Variants in LIN52 observed in about 807,000 individuals in gnomAD.
The protein encoded by LIN52 is lin-52 DREAM MuvB core complex component.
A neutral mutation model predicts 18.5 loss-of-function variants in LIN52; 4 were observed. The ratio of observed to expected loss-of-function variants is 0.22; its 90% CI spans 0.11 to 0.49. The LOEUF is 0.49. Ranked by LOEUF, LIN52 falls within the 20% of genes least tolerant of loss-of-function variation. LIN52 has a pLI of 0.97. For missense variants in LIN52, 102 were observed against 139.5 expected (o/e 0.73, Z 1.35); for synonymous variants, 34 against 45.5 (o/e 0.75, Z 1.02).
At chr14:74,108,653 G>A (rs2060910869) in intron 5 of LIN52, among the ~76,000 whole-genome samples, 1 of 152,014 alleles carries the variant, frequency 6.6e-6, no homozygotes, top group Non-Finnish European at 1.5e-5. Context: ...ATGGTGTTTA[G>A]CATGTTTTCA....
At chr14:74,168,564 A>G (rs1429689229) in intron 5 of LIN52, among the ~76,000 whole-genome samples, 1 of 152,110 alleles carries the variant, frequency 6.6e-6, no homozygotes, top group African/African-American at 2.4e-5. Flanking sequence ...GCTACTCGGG[A>G]GGCTGAGGCA....
chr14:74,162,789 G>A (rs2061231811), intron 5 of LIN52, among the ~76,000 whole-genome samples: 1 of 151,670 alleles, frequency 6.6e-6, no homozygotes, highest in Admixed American at 6.6e-5. Context: ...TCTTTTTAAC[G>A]ACATTGAGCT....
intron 5 of LIN52, among the ~76,000 whole-genome samples, chr14:74,123,248 A>G (rs956065191): frequency 2.4e-4 from 36 of 152,358 alleles, no homozygotes; most frequent in African/African-American, 8.2e-4. Flanking sequence ...AAACTAGACT[A>G]CAATGGTAAG....
At chr14:74,119,601 C>G (rs887371440) in intron 5 of LIN52, among the ~76,000 whole-genome samples, 3 of 152,216 alleles carry the variant, frequency 2.0e-5, no homozygotes, top group Admixed American at 6.5e-5. Flanking sequence ...ACAAACCTAT[C>G]AGCAATTTCA....
intron 5 of LIN52, among the ~76,000 whole-genome samples, chr14:74,130,418 C>T (rs1018185901): frequency 6.6e-6 from 1 of 150,780 alleles, no homozygotes; most frequent in African/African-American, 2.4e-5. Context: ...GCTAGGATTA[C>T]AGGCGTGTAC....
At chr14:74,123,135 A>G (rs2061009167) in intron 5 of LIN52, among the ~76,000 whole-genome samples, 1 of 152,376 alleles carries the variant, frequency 6.6e-6, no homozygotes, top group Admixed American at 6.5e-5. Flanking sequence ...CATGGTAGAC[A>G]TCTGATCATA....
intron 5 of LIN52, among the ~76,000 whole-genome samples, chr14:74,120,679 T>G (rs1042936932): frequency 4.0e-5 from 6 of 148,188 alleles, no homozygotes; most frequent in African/African-American, 1.5e-4. Context: ...CGCTTGAACC[T>G]GGGAGGCGGA....
At chr14:74,182,020 TA>T (rs1242110721) in intron 5 of LIN52, among the ~76,000 whole-genome samples, 1 of 152,222 alleles carries the variant, frequency 6.6e-6, no homozygotes, top group Non-Finnish European at 1.5e-5. Flanking sequence ...TTTATTTGTT[TA>T]TTTTTTTGAG....
At chr14:74,118,999 C>T (rs1339238584) in intron 5 of LIN52, among the ~76,000 whole-genome samples, 1 of 152,094 alleles carries the variant, frequency 6.6e-6, no homozygotes, top group Non-Finnish European at 1.5e-5. Flanking sequence ...TTTGGGTTTT[C>T]TCCCATTGCT....
At position 74,102,677 on chromosome 14, in the gene LIN52, G is replaced by T. The variant is rs2060866127; in HGVS notation, c.283+1439G>T. On this transcript the variant is annotated intron_variant, in intron 5 of 5. Coordinates refer to ENST00000555028, the MANE Select transcript of LIN52 (RefSeq NM_001024674.3). ...GATAATAAATGCTGTAATGATCATT[G>T]TGATCAAGGCTTTATCTCTTTGTGT... is the stretch of plus-strand genomic sequence containing the variant. Among the ~76,000 whole-genome samples, 3 of 152,132 alleles carry T rather than the reference G, an allele frequency of 2.0e-5. No homozygotes were observed. The South Asian group carries it at 6.2e-4, about 32-fold the overall frequency.
rs143870676 is a variant in LIN52, at chr14:74,116,092, T to C, written c.283+14854T>C. On this transcript the variant is annotated intron_variant, in intron 5 of 5. Transcript: ENST00000555028. The stretch of plus-strand genomic sequence containing the variant: ...CCAAGGTGGGCAGATCACCTGAGAT[T>C]GGGAGTTTGAGACCACCCTGGCCAA... Among the ~76,000 whole-genome samples, 547 of 151,944 alleles carry C rather than the reference T, an allele frequency of 3.6e-3. 4 individuals are homozygous for C. The highest frequency in any genetic ancestry group is 0.012 in the African/African-American group (515 of 41,444).
At chr14:74,085,928 G>A (rs780115014) in intron 1 of LIN52, among the ~76,000 whole-genome samples, 2 of 152,152 alleles carry the variant, frequency 1.3e-5, no homozygotes, top group Non-Finnish European at 2.9e-5. Context: ...TGAAGCCAAG[G>A]TGAGCTATAT....
At chr14:74,177,864 G>A (rs1027043778) in intron 5 of LIN52, among the ~76,000 whole-genome samples, 1 of 152,082 alleles carries the variant, frequency 6.6e-6, no homozygotes, top group Non-Finnish European at 1.5e-5. Context: ...TCCAACCTCC[G>A]CCACGTGCGC....
chr14:74,099,836 G>A (rs937736028), intron 4 of LIN52, among the ~76,000 whole-genome samples: 3 of 152,156 alleles, frequency 2.0e-5, no homozygotes, highest in African/African-American at 4.8e-5. Context: ...GATCTGGGTG[G>A]TACCAACTGA....
chr14:74,174,778 A>G (rs2061285271), intron 5 of LIN52: 1 of 90,734 alleles, frequency 1.1e-5, no homozygotes, highest in Non-Finnish European at 2.3e-5. Flanking sequence ...CTAAAACAGT[A>G]TAATACATTT....
chr14:74,119,484 A>G (rs1376249448), intron 5 of LIN52, among the ~76,000 whole-genome samples: 2 of 152,030 alleles, frequency 1.3e-5, no homozygotes, highest in Non-Finnish European at 2.9e-5. Flanking sequence ...TTTTCATTGG[A>G]TATATAACTA....
At chr14:74,135,426 C>T (rs2061091986) in intron 5 of LIN52, among the ~76,000 whole-genome samples, 1 of 152,134 alleles carries the variant, frequency 6.6e-6, no homozygotes, top group African/African-American at 2.4e-5. Context: ...GGATAAGATG[C>T]ATGATAAGCA....
rs960366803 is a variant in LIN52, at chr14:74,122,258, A to G, written c.283+21020A>G. On this transcript the variant is annotated intron_variant, in intron 5 of 5. Coordinates refer to ENST00000555028, the MANE Select transcript of LIN52 (RefSeq NM_001024674.3). ...GTTAAATTTTTTGAGTTTGTTAATT[A>G]TATTGTAGCTATGTAGGAGAATATC... 7.9e-5 allele frequency among the ~76,000 whole-genome samples: 12 copies of G among 152,226 alleles called. No individual in the cohort carries two copies. The South Asian group carries it at 2.3e-3, about 29-fold the overall frequency.
At chr14:74,185,622 T>C (rs1404997813) in intron 5 of LIN52, among the ~76,000 whole-genome samples, 1 of 152,184 alleles carries the variant, frequency 6.6e-6, no homozygotes, top group Non-Finnish European at 1.5e-5. Flanking sequence ...CAGTGATTTC[T>C]TTTTTAATGC....
Sources: gnomAD v4.1 joint callset for allele counts (sites outside exome capture counted in the v4.1 genomes callset) on GRCh38, gnomAD v4.1.1 for gene constraint, MANE v1.5 for transcripts, NCBI Gene and HGNC (gene_info 2026-07-23, HGNC 2026-07-21) for gene names.